Variants in SNX29 observed in about 807,000 individuals in gnomAD.
SNX29 encodes the protein sorting nexin-29.
Under a neutral mutation model 102.1 loss-of-function variants are expected in SNX29, and 78 were observed. That is an observed-to-expected ratio of 0.76 (90% CI 0.64 to 0.92). The LOEUF is 0.92. SNX29 is among the 40% of genes least tolerant of loss of function. The pLI is 0.00. For synonymous variants in SNX29, 580 were observed against 414.5 expected, an observed-to-expected ratio of 1.40 and a Z score of -4.85; for missense variants, 1,280 against 1,061.7, an observed-to-expected ratio of 1.21 and a Z score of -2.86.
intron 18 of SNX29, among the ~76,000 whole-genome samples, chr16:12,449,374 A>G (rs1250695809): frequency 6.6e-6 from 1 of 151,966 alleles, no homozygotes; most frequent in Non-Finnish European, 1.5e-5. Flanking sequence ...TAGGCACGGC[A>G]AGGACAGGGA....
At chr16:12,450,475 C>T (rs1427570753) in intron 18 of SNX29, among the ~76,000 whole-genome samples, 1 of 152,212 alleles carries the variant, frequency 6.6e-6, no homozygotes, top group African/African-American at 2.4e-5. Context: ...GGAAAAGCTG[C>T]ACCCAATCAT....
intron 20 of SNX29, among the ~76,000 whole-genome samples, chr16:12,542,838 C>A (rs1031563883): frequency 2.0e-5 from 3 of 151,928 alleles, no homozygotes; most frequent in Non-Finnish European, 4.4e-5. Flanking sequence ...TGTGTGGACC[C>A]ATGAGCAGTA....
intron 20 of SNX29, among the ~76,000 whole-genome samples, chr16:12,548,574 C>A (rs1475590616): frequency 6.6e-6 from 1 of 152,170 alleles, no homozygotes; most frequent in Admixed American, 6.5e-5. Context: ...ATGCTGGCTT[C>A]CCTGTAAGTC....
chr16:12,109,286 G>T (rs1271328505), intron 11 of SNX29, among the ~76,000 whole-genome samples: 1 of 152,048 alleles, frequency 6.6e-6, no homozygotes, highest in Non-Finnish European at 1.5e-5. Context: ...AGCAGATGGG[G>T]AGGGGACTGA....
rs141801647 is a variant in SNX29, at chr16:12,278,081, G to A, written c.1782+45G>A. The A allele has an allele frequency of 7.6e-3, 11,685 of 1,528,550 alleles. 68 individuals are homozygous for A. Among genetic ancestry groups the A allele is most frequent in the Middle Eastern group, 0.026 (157 of 5,940 alleles). 94.7% of individuals were successfully genotyped at this position (1,528,550 alleles called of 1,614,324 possible). The stretch of plus-strand genomic sequence containing the variant: ...TGTGTCTTTGTTTCTGATGTTGGCT[G>A]CGTTGGAGACTTTCCAGGGTAGGTC... On this transcript the variant is annotated intron_variant, in intron 15 of 20. Transcript: ENST00000566228.
At chr16:12,219,302 C>T (rs2077412808) in intron 14 of SNX29, among the ~76,000 whole-genome samples, 3 of 149,878 alleles carry the variant, frequency 2.0e-5, no homozygotes, top group South Asian at 4.2e-4. Flanking sequence ...AAGTGGTTTT[C>T]AGTCCTTTTT....
intron 19 of SNX29, among the ~76,000 whole-genome samples, chr16:12,496,295 C>T: frequency 6.6e-6 from 1 of 152,280 alleles, no homozygotes; most frequent in African/African-American, 2.4e-5. Context: ...GGTTGTGTTT[C>T]CGTGGTGGTG....
At chr16:12,532,757 G>A (rs936955808) in intron 20 of SNX29, among the ~76,000 whole-genome samples, 1 of 152,202 alleles carries the variant, frequency 6.6e-6, no homozygotes, top group African/African-American at 2.4e-5. Flanking sequence ...GCTGGGGACA[G>A]GGCAGGAGCC....
chr16:12,479,395 C>G (rs1212703783), intron 19 of SNX29, among the ~76,000 whole-genome samples: 2 of 152,190 alleles, frequency 1.3e-5, no homozygotes, highest in African/African-American at 4.8e-5. Context: ...AATCTATTCC[C>G]AACCCTTACA....
intron 3 of SNX29, among the ~76,000 whole-genome samples, chr16:12,016,981 A>G (rs1456815221): frequency 1.3e-5 from 2 of 151,930 alleles, no homozygotes; most frequent in Non-Finnish European, 2.9e-5. Flanking sequence ...AAAAATTAAA[A>G]AAATTAACTG....
At position 12,098,814 on chromosome 16, in the gene SNX29, A is replaced by G. The variant is rs746780175; in HGVS notation, c.1402+19899A>G. Among the ~76,000 whole-genome samples the G allele has an allele frequency of 7.5e-4, 114 of 152,214 alleles. No individual in the cohort carries two copies. The highest frequency in any genetic ancestry group is 1.4e-3 in the Non-Finnish European group (95 of 68,034). On this transcript the variant is annotated intron_variant, in intron 11 of 20. Transcript: ENST00000566228. The surrounding 1 kb of genome is among the most constrained non-coding windows in gnomAD (Gnocchi z 6.0). ...CCTCGTCCCTGAGTCTAACAGTCAG[A>G]GGTAGAGACCCCCCTCAGGGCAGTT... is the stretch of plus-strand genomic sequence containing the variant.
At chr16:11,991,822 G>T (rs1480632171) in intron 1 of SNX29, among the ~76,000 whole-genome samples, 2 of 151,682 alleles carry the variant, frequency 1.3e-5, no homozygotes, top group Admixed American at 6.6e-5. Context: ...CAAAGTGCTG[G>T]GATTACAGGC....
chr16:12,161,281 C>T (rs1373260276), intron 13 of SNX29, among the ~76,000 whole-genome samples: 1 of 152,206 alleles, frequency 6.6e-6, no homozygotes, highest in Non-Finnish European at 1.5e-5. Flanking sequence ...TTTTCCCTTT[C>T]CACTCTCTTC....
intron 18 of SNX29, among the ~76,000 whole-genome samples, chr16:12,450,243 T>C (rs910697979): frequency 6.6e-6 from 1 of 152,218 alleles, no homozygotes; most frequent in African/African-American, 2.4e-5. Context: ...AACAGACTAA[T>C]ACAATTCCCA....
rs748700544 is a variant in SNX29 at position 12,570,608 on chromosome 16, C to T, written c.*1979C>T. ...TGGGTAGCTACCCTGGAGGTCATCT[C>T]CCTGTTCTCTGTTGGATAAAGGAAC... On this transcript the variant is annotated 3_prime_UTR_variant, in exon 21 of 21. Transcript: ENST00000566228. 8.6e-6 allele frequency: 2 copies of T among 232,126 alleles called. No individual in the cohort carries two copies. Among genetic ancestry groups the T allele is most frequent in the South Asian group, 1.8e-4 (1 of 5,512 alleles). 14.4% of individuals were successfully genotyped at this position (232,126 alleles called of 1,614,324 possible). A position where few individuals can be genotyped will look rare whatever the true frequency, so the allele number is the denominator to read the frequency against.
intron 18 of SNX29, among the ~76,000 whole-genome samples, chr16:12,412,451 AT>A (rs1203208163): frequency 6.6e-6 from 1 of 152,136 alleles, no homozygotes; most frequent in East Asian, 1.9e-4. Flanking sequence ...CCCATCACTC[AT>A]TGTCACAGCT....
intron 16 of SNX29, among the ~76,000 whole-genome samples, chr16:12,378,515 G>T (rs2082960134): frequency 6.6e-6 from 1 of 152,176 alleles, no homozygotes; most frequent in Non-Finnish European, 1.5e-5. Context: ...CGGGTGTGGT[G>T]ATGTGTGCCT....
At chr16:12,240,585 CTTTTTTTTTTT>C (rs1180028807) in intron 14 of SNX29, among the ~76,000 whole-genome samples, 45 of 64,806 alleles carry the variant, frequency 6.9e-4, no homozygotes, top group Non-Finnish European at 1.0e-3. Context: ...TTTGTCATTT[CTTTTTTTTTTT>C]TTTTTTTTTT....
chr16:12,571,832 A>G lies in SNX29; in HGVS notation c.*3203A>G, dbSNP rs1020381190. 2 of 1,044,712 alleles carry G rather than the reference A, an allele frequency of 1.9e-6. No individual in the cohort carries two copies. Among genetic ancestry groups the G allele is most frequent in the Non-Finnish European group, 2.3e-6 (2 of 861,672 alleles). 64.7% of individuals were successfully genotyped at this position (1,044,712 alleles called of 1,614,324 possible). ...ATTCCAGCTTCTTTGATTCCCACTT[A>G]GCAGTATGCTCCAATCACGTTGCTG... On this transcript the variant is annotated 3_prime_UTR_variant, in exon 21 of 21. Transcript: ENST00000566228.
Sources: allele counts gnomAD v4.1 joint callset (sites outside exome capture counted in the v4.1 genomes callset), GRCh38; gene constraint gnomAD v4.1.1; non-coding constraint Gnocchi (gnomAD v3.1); transcripts MANE v1.5; gene names NCBI Gene and HGNC (gene_info 2026-07-23, HGNC 2026-07-21).